Variants in ZFPM2 observed in about 807,000 individuals in gnomAD.
ZFPM2 encodes zinc finger protein ZFPM2.
Under a neutral mutation model 98.6 loss-of-function variants are expected in ZFPM2, and 20 were observed. The observed-to-expected ratio is 0.20, with a 90% CI of 0.14 to 0.29. The LOEUF (loss-of-function observed/expected upper bound fraction) is 0.29, where lower values mean the gene tolerates loss of function less well. Ranked by LOEUF, ZFPM2 falls within the 10% of genes least tolerant of loss-of-function variation. The pLI is 1.00. For missense variants in ZFPM2, 1,310 were observed against 1,388.6 expected (o/e 0.94, Z 0.90); for synonymous variants, 518 against 502.7 (o/e 1.03, Z -0.41).
In ZFPM2 at chr8:105,368,231, C is replaced by G. The variant is rs555384652; in HGVS notation, c.40+49250C>G. Among the ~76,000 whole-genome samples the G allele has an allele frequency of 4.6e-3, 689 of 150,640 alleles. 4 individuals are homozygous for G. Among genetic ancestry groups the G allele is most frequent in the African/African-American group, 0.016 (656 of 40,946 alleles). On this transcript the variant is annotated intron_variant, in intron 1 of 7. Coordinates refer to ENST00000407775, the MANE Select transcript of ZFPM2 (RefSeq NM_012082.4). ...GCCCAGCTTTGGTATCAGAATGATG[C>G]TGGCCTCATAAAATGAGTTAGGGAG...
chr8:105,573,813 G>T (rs993726067), intron 4 of ZFPM2, among the ~76,000 whole-genome samples: 2 of 152,112 alleles, frequency 1.3e-5, no homozygotes, highest in African/African-American at 4.8e-5. Context: ...GAGAAAGTAT[G>T]GGAAAGAGCC....
At chr8:105,627,636 C>G (rs1055379861) in intron 4 of ZFPM2, among the ~76,000 whole-genome samples, 3 of 152,196 alleles carry the variant, frequency 2.0e-5, no homozygotes, top group African/African-American at 7.2e-5. Context: ...AACCCTAATA[C>G]TACAACAGCT....
intron 3 of ZFPM2, among the ~76,000 whole-genome samples, chr8:105,541,925 T>C (rs1160670246): frequency 2.0e-5 from 3 of 152,090 alleles, no homozygotes. Context: ...ATTTTTTTAA[T>C]GTAAAAAATT....
chr8:105,634,334 A>C lies in ZFPM2; in HGVS notation c.509A>C (p.Asn170Thr). Residue 170 changes from asparagine (N) to threonine (T), a missense_variant, in exon 5 of 8, where the codon AAC (asparagine) becomes ACC (threonine). By Grantham distance (65) the Asn-to-Thr change is moderately conservative (BLOSUM62 0). Transcript: ENST00000407775. Reference protein sequence around the residue: ...VTWQGVEDNKNNCIVYSKGGQ... With the variant: ...VTWQGVEDNKTNCIVYSKGGQ... ...TGGCAAGGAGTGGAAGACAACAAAA[A>C]CAACTGCATTGTGTACAGCAAAGGT... The C allele has an allele frequency of 6.2e-7, 1 of 1,612,584 alleles. No homozygotes were observed. Among genetic ancestry groups the C allele is most frequent in the Non-Finnish European group, 8.5e-7 (1 of 1,179,268 alleles).
chr8:105,326,184 G>A (rs1204557689), intron 1 of ZFPM2, among the ~76,000 whole-genome samples: 1 of 151,584 alleles, frequency 6.6e-6, no homozygotes, highest in African/African-American at 2.4e-5. Context: ...AGGAATAAAT[G>A]CCTTTGGAGA....
intron 5 of ZFPM2, among the ~76,000 whole-genome samples, chr8:105,769,151 T>C (rs1812926598): frequency 6.6e-6 from 1 of 152,038 alleles, no homozygotes; most frequent in Admixed American, 6.6e-5. Context: ...TTCATACTTT[T>C]GTTTACTGTC....
At chr8:105,739,960 AC>A (rs1812175566) in intron 5 of ZFPM2, among the ~76,000 whole-genome samples, 1 of 151,968 alleles carries the variant, frequency 6.6e-6, no homozygotes, top group Non-Finnish European at 1.5e-5. Context: ...CCTTTTCTTT[AC>A]CCTGTATCCT....
At chr8:105,654,418 A>T (rs1326575596) in intron 5 of ZFPM2, among the ~76,000 whole-genome samples, 6 of 152,146 alleles carry the variant, frequency 3.9e-5, no homozygotes, top group Non-Finnish European at 5.9e-5. Flanking sequence ...CTGGAGAGTT[A>T]TGATGCTCCA....
At chr8:105,550,509 A>T (rs1030231288) in intron 3 of ZFPM2, among the ~76,000 whole-genome samples, 4 of 152,200 alleles carry the variant, frequency 2.6e-5, no homozygotes, top group African/African-American at 9.6e-5. Context: ...GATGATAAAA[A>T]TTATACCTAC....
At chr8:105,621,395 G>A (rs905336842) in intron 4 of ZFPM2, among the ~76,000 whole-genome samples, 4 of 152,170 alleles carry the variant, frequency 2.6e-5, no homozygotes, top group Non-Finnish European at 5.9e-5. Flanking sequence ...AGACTTTGCT[G>A]AAGTTGCCTA....
intron 7 of ZFPM2, among the ~76,000 whole-genome samples, 168 bp from the exon 8 acceptor site, chr8:105,800,879 A>G (rs1329673694): frequency 6.6e-6 from 1 of 152,226 alleles, no homozygotes; most frequent in Non-Finnish European, 1.5e-5. Flanking sequence ...TATTAATATT[A>G]TCATACACAG....
chr8:105,503,490 AC>A (rs2130479857), intron 3 of ZFPM2, among the ~76,000 whole-genome samples: 2 of 152,336 alleles, frequency 1.3e-5, no homozygotes, highest in South Asian at 4.1e-4. Context: ...ATGGAAAAAA[AC>A]AAGATAAAGA....
chr8:105,767,558 G>A (rs1187309248), intron 5 of ZFPM2, among the ~76,000 whole-genome samples: 1 of 151,798 alleles, frequency 6.6e-6, no homozygotes, highest in Non-Finnish European at 1.5e-5. Context: ...AAAAATGAAT[G>A]TATTATTCAA....
chr8:105,552,089 G>T (rs186810087), intron 3 of ZFPM2, among the ~76,000 whole-genome samples: 3 of 152,298 alleles, frequency 2.0e-5, no homozygotes, highest in East Asian at 3.9e-4. Flanking sequence ...ATATCAATGA[G>T]TTCTATTGAT....
chr8:105,471,609 T>C (rs1474617795), intron 3 of ZFPM2, among the ~76,000 whole-genome samples: 1 of 152,120 alleles, frequency 6.6e-6, no homozygotes, highest in Non-Finnish European at 1.5e-5. Context: ...CTCTCAAAGA[T>C]TCAGCTCAGA....
chr8:105,601,405 A>T (rs961353542), intron 4 of ZFPM2, among the ~76,000 whole-genome samples: 2 of 152,058 alleles, frequency 1.3e-5, no homozygotes, highest in African/African-American at 4.8e-5. Context: ...AATTAACTGG[A>T]TTTGGACATG....
At position 105,690,900 on chromosome 8, in the gene ZFPM2, A is replaced by G. The variant is rs1161012934; in HGVS notation, c.532+56543A>G. ...TATCAGATTACTAGGGAAACTATCT[A>G]GAGAGTTAAGCTCAAGTTAATTTCA... is the stretch of plus-strand genomic sequence containing the variant. On this transcript the variant is annotated intron_variant, in intron 5 of 7. Coordinates refer to ENST00000407775, the MANE Select transcript of ZFPM2 (RefSeq NM_012082.4). The G allele has an allele frequency of 5.9e-5, 9 of 152,194 alleles. No homozygotes were observed. In the East Asian group the frequency reaches 1.5e-3, roughly 26 times the overall value. 9.4% of individuals were successfully genotyped at this position (152,194 alleles called of 1,614,324 possible).
intron 1 of ZFPM2, among the ~76,000 whole-genome samples, chr8:105,341,199 T>C (rs778572077): frequency 1.1e-4 from 16 of 151,962 alleles, no homozygotes; most frequent in Non-Finnish European, 1.9e-4. Flanking sequence ...CTCTAAAAGA[T>C]GCACAAATCC....
intron 3 of ZFPM2, among the ~76,000 whole-genome samples, chr8:105,536,000 G>A (rs531845387): frequency 6.6e-6 from 1 of 152,300 alleles, no homozygotes; most frequent in African/African-American, 2.4e-5. Flanking sequence ...AATAGGCCTT[G>A]ACAGAGATCT....
Sources: allele counts gnomAD v4.1 joint callset (sites outside exome capture counted in the v4.1 genomes callset), GRCh38; gene constraint gnomAD v4.1.1; transcripts MANE v1.5; gene names NCBI Gene and HGNC (gene_info 2026-07-23, HGNC 2026-07-21).